Variants in QSER1 observed in about 807,000 individuals in gnomAD.
The protein encoded by QSER1 is glutamine and serine-rich protein 1.
A neutral mutation model predicts 158.5 loss-of-function variants in QSER1; 49 were observed. The ratio of observed to expected loss-of-function variants is 0.31; its 90% CI spans 0.25 to 0.39. The LOEUF is 0.39. QSER1 is among the 10% of genes least tolerant of loss of function. The probability of loss-of-function intolerance (pLI) is 1.00; values close to 1 mark genes in which losing one functional copy is unlikely to be tolerated. For synonymous variants in QSER1, 650 were observed against 715.5 expected (o/e 0.91, Z 1.46); for missense variants, 1,754 against 2,010.3 (o/e 0.87, Z 2.44).
intron 1 of QSER1, among the ~76,000 whole-genome samples, chr11:32,918,602 T>TG (rs1229077639): frequency 2.0e-5 from 3 of 150,940 alleles, no homozygotes; most frequent in Non-Finnish European, 4.4e-5. Context: ...TTGTGGCTCT[T>TG]GTGAGGTGGG....
chr11:32,925,495 T>TTTA (rs1851956577), intron 1 of QSER1, among the ~76,000 whole-genome samples: 1 of 31,926 alleles, frequency 3.1e-5, no homozygotes. Flanking sequence ...ACATCGCTTT[T>TTTA]TTATTTATTT....
In QSER1 at chr11:32,932,228, C is replaced by G; in HGVS notation, c.970C>G (p.Pro324Ala). 1 of 1,614,162 alleles carries G rather than the reference C, an allele frequency of 6.2e-7. No individual in the cohort carries two copies. Among genetic ancestry groups the G allele is most frequent in the East Asian group, 2.2e-5 (1 of 44,878 alleles). Residue 324 changes from proline (P) to alanine (A), a missense_variant, in exon 4 of 13, where the codon CCT (proline) becomes GCT (alanine). Transcript: ENST00000650167. ...ECSVIKHHQRPSGTQSIQAQL... is the reference protein window; with the variant it reads ...ECSVIKHHQRASGTQSIQAQL... ...TAGTGTTATTAAACACCATCAGCGG[C>G]CTTCAGGTACCCAGTCAATTCAGGC...
chr11:32,957,589 AG>A (rs961704687), intron 7 of QSER1, among the ~76,000 whole-genome samples: 5 of 152,190 alleles, frequency 3.3e-5, no homozygotes, highest in African/African-American at 1.2e-4. Flanking sequence ...CTGGGAAATA[AG>A]TCCATAAATC....
At chr11:32,956,371 G>GA (rs1489473679) in intron 7 of QSER1, among the ~76,000 whole-genome samples, 3 of 151,648 alleles carry the variant, frequency 2.0e-5, no homozygotes, top group South Asian at 2.1e-4. Flanking sequence ...CCAGTATTGT[G>GA]AAAAAAAATT....
Position 32,933,415 on chromosome 11 carries a change from T to G in QSER1, c.2157T>G (p.Ile719Met). Residue 719 changes from isoleucine (I) to methionine (M), a missense_variant, in exon 4 of 13, where the codon ATT (isoleucine) becomes ATG (methionine). Ile to Met is a conservative substitution (Grantham distance 10). Transcript: ENST00000650167. ...SSTQRLSDGE[I>M]NAQESTYKVS... Reference sequence around the variant, plus strand: ...CCCAAAGGCTATCTGATGGAGAAATTAATGCTCAAGAATCAACTTATAAGG... The same window carrying G: ...CCCAAAGGCTATCTGATGGAGAAATGAATGCTCAAGAATCAACTTATAAGG... The G allele has an allele frequency of 6.2e-7, 1 of 1,613,906 alleles. No individual in the cohort carries two copies. Among genetic ancestry groups the G allele is most frequent in the South Asian group, 1.1e-5 (1 of 91,038 alleles).
rs190676567 is a variant in QSER1, at chr11:32,921,065, C to T, written c.210-6092C>T. On this transcript the variant is annotated intron_variant, in intron 1 of 12. Coordinates refer to ENST00000650167, the MANE Select transcript of QSER1 (RefSeq NM_001076786.3). ...ACTTGTACATGAATGTTCATAGCATCGTTATGATAGCCCAAAAGTAGAAAC... is the reference window on the plus strand; with the variant it reads ...ACTTGTACATGAATGTTCATAGCATTGTTATGATAGCCCAAAAGTAGAAAC... Among the ~76,000 whole-genome samples, 14 of 152,214 alleles carry T rather than the reference C, an allele frequency of 9.2e-5. No homozygotes were observed. In the East Asian group the frequency reaches 1.9e-3, roughly 21 times the overall value.
At chr11:32,945,065 CTT>C (rs1192134568) in intron 4 of QSER1, among the ~76,000 whole-genome samples, 2 of 128,272 alleles carry the variant, frequency 1.6e-5, no homozygotes, top group Non-Finnish European at 3.3e-5. Context: ...CAACCCCTGC[CTT>C]TTTTTGTTTT....
At chr11:32,951,879 C>A (rs1165864962) in intron 4 of QSER1, among the ~76,000 whole-genome samples, 2 of 148,630 alleles carry the variant, frequency 1.3e-5, no homozygotes, top group Admixed American at 6.7e-5. Context: ...CTCTTGTTGC[C>A]CAGGATGGAG....
At position 32,934,601 on chromosome 11, in the gene QSER1, G is replaced by A. The variant is rs372428497; in HGVS notation, c.3343G>A (p.Glu1115Lys). Residue 1115 changes from glutamate (E) to lysine (K), a missense_variant, in exon 4 of 13, where the codon GAA becomes AAA. Physicochemically the swap from Glu to Lys is moderately conservative, Grantham distance 56. Transcript: ENST00000650167. ...PFKKQSATNL[E>K]SEEDSEAPVD... The stretch of plus-strand genomic sequence containing the variant: ...CAAGAAACAGTCTGCTACCAATCTT[G>A]AATCTGAAGAAGACAGTGAAGCTCC... 1.2e-5 allele frequency: 20 copies of A among 1,613,502 alleles called. No individual in the cohort carries two copies. Among genetic ancestry groups the A allele is most frequent in the Non-Finnish European group, 1.6e-5 (19 of 1,180,010 alleles).
At chr11:32,961,574 CT>C (rs1373594990) in intron 8 of QSER1, among the ~76,000 whole-genome samples, 1 of 152,116 alleles carries the variant, frequency 6.6e-6, no homozygotes, top group African/African-American at 2.4e-5. Flanking sequence ...ATTTCCAAAA[CT>C]TTTATCATCC....
Position 32,934,403 on chromosome 11 carries a change from T to A in QSER1, c.3145T>A (p.Ser1049Thr). 1 of 1,613,812 alleles carries A rather than the reference T, an allele frequency of 6.2e-7. No homozygotes were observed. The highest frequency in any genetic ancestry group is 8.5e-7 in the Non-Finnish European group (1 of 1,179,962). Residue 1049 changes from serine to threonine, a missense_variant, in exon 4 of 13, where the codon TCC becomes ACC. Physicochemically the swap from Ser to Thr is moderately conservative, Grantham distance 58. Coordinates refer to ENST00000650167, the MANE Select transcript of QSER1 (RefSeq NM_001076786.3). ...AAAGCCACAGAATATAAATGATACT[T>A]CCTTAAATGGAAATCAGGTTACTGT... ...VGKPQNINDTSLNGNQVTVNL... is the reference protein window; with the variant it reads ...VGKPQNINDTTLNGNQVTVNL...
intron 4 of QSER1, among the ~76,000 whole-genome samples, chr11:32,951,721 G>C (rs889714781): frequency 6.6e-6 from 1 of 151,706 alleles, no homozygotes; most frequent in Non-Finnish European, 1.5e-5. Context: ...TTTATTTTTT[G>C]GGTTGTTCAC....
rs1464185456 is a variant in QSER1, at chr11:32,923,893, G to A, written c.210-3264G>A. Among the ~76,000 whole-genome samples, 5 of 151,958 alleles carry A rather than the reference G, an allele frequency of 3.3e-5. No homozygotes were observed. The South Asian group carries it at 6.2e-4, about 19-fold the overall frequency. Reference sequence around the variant, plus strand: ...TGAGGCAGGGGAATCGCTTGAACCCGGAAAGTGGAGGTTGCAGTGAACTGA... The same window carrying A: ...TGAGGCAGGGGAATCGCTTGAACCCAGAAAGTGGAGGTTGCAGTGAACTGA... On this transcript the variant is annotated intron_variant, in intron 1 of 12. Transcript: ENST00000650167.
chr11:32,900,452 G>A (rs895904483), intron 1 of QSER1, among the ~76,000 whole-genome samples: 5 of 152,180 alleles, frequency 3.3e-5, no homozygotes, highest in African/African-American at 9.6e-5. Flanking sequence ...CCAGCTACTC[G>A]GGAGGCTGAG....
intron 9 of QSER1, among the ~76,000 whole-genome samples, chr11:32,967,717 G>C (rs543293418): frequency 6.6e-6 from 1 of 152,182 alleles, no homozygotes; most frequent in African/African-American, 2.4e-5. Context: ...TAAGTGACTT[G>C]CTTAAGGGCC....
At chr11:32,974,204 T>C (rs1852928285) in intron 11 of QSER1, among the ~76,000 whole-genome samples, 1 of 152,122 alleles carries the variant, frequency 6.6e-6, no homozygotes, top group African/African-American at 2.4e-5. Flanking sequence ...GAGGATCACT[T>C]GAGTCCAGGT....
intron 5 of QSER1, among the ~76,000 whole-genome samples, 181 bp from the exon 6 acceptor site, chr11:32,955,115 A>G (rs1442811555): frequency 2.6e-5 from 4 of 152,212 alleles, no homozygotes; most frequent in African/African-American, 9.6e-5. Flanking sequence ...TTTCTGGAAT[A>G]ATTTAAGCAG....
At position 32,933,709 on chromosome 11, in the gene QSER1, G is replaced by A. The variant is rs554318229; in HGVS notation, c.2451G>A (p.Glu817=). The A allele has an allele frequency of 1.9e-6, 3 of 1,613,954 alleles. No homozygotes were observed. The highest frequency in any genetic ancestry group is 1.7e-5 in the Admixed American group (1 of 60,002). Residue 817 remains glutamate, a synonymous_variant, in exon 4 of 13, where the codon GAG becomes GAA. Transcript: ENST00000650167. ...ATCCTCTCATACTTAAGGTGCATGA[G>A]TCCAAGGTCCAGGAACAGCACGATC... ...QQHPLILKVH[E]SKVQEQHDQI... is the part of the protein sequence containing the mutation.
At chr11:32,953,406 G>A (rs1285909849) in intron 4 of QSER1, among the ~76,000 whole-genome samples, 1 of 151,936 alleles carries the variant, frequency 6.6e-6, no homozygotes, top group East Asian at 1.9e-4. Flanking sequence ...AGGCTGGAGT[G>A]CAGTGGCACT....
Sources: gnomAD v4.1 joint callset for allele counts (sites outside exome capture counted in the v4.1 genomes callset) on GRCh38, gnomAD v4.1.1 for gene constraint, MANE v1.5 for transcripts, NCBI Gene and HGNC (gene_info 2026-07-23, HGNC 2026-07-21) for gene names.